Variants in MPPED2 observed in about 807,000 individuals in gnomAD.
MPPED2 encodes the protein metallophosphoesterase domain containing 2.
MPPED2 carries 5 observed loss-of-function variants against 33.0 expected under a neutral mutation model. The observed-to-expected ratio is 0.15, with a 90% CI of 0.08 to 0.32. The LOEUF (loss-of-function observed/expected upper bound fraction) is 0.32. MPPED2 is among the 10% of genes least tolerant of loss of function. The probability of loss-of-function intolerance (pLI) is 1.00; values close to 1 mark genes in which losing one functional copy is unlikely to be tolerated. For synonymous variants in MPPED2, 136 were observed against 141.9 expected, an observed-to-expected ratio of 0.96 and a Z score of 0.29; for missense variants, 275 against 372.1, an observed-to-expected ratio of 0.74 and a Z score of 2.15.
chr11:30,586,096 G>A lies in MPPED2; in HGVS notation c.-176C>T, dbSNP rs1957458381. On this transcript the variant is annotated 5_prime_UTR_variant, in exon 1 of 7. Coordinates refer to ENST00000358117, the MANE Select transcript of MPPED2 (RefSeq NM_001584.3). This position sits in a 1 kb window ranked among gnomAD's most constrained non-coding sequence, Gnocchi z 4.8. Reference sequence around the variant, plus strand: ...GATGCCTTCAGCGCCCGGCGAGCAGGCGATCCATAGCCGAGCGGCCCGAGC... The same window carrying A: ...GATGCCTTCAGCGCCCGGCGAGCAGACGATCCATAGCCGAGCGGCCCGAGC... 6.6e-6 allele frequency: 1 copy of A among 152,236 alleles called. No homozygotes were observed. The highest frequency in any genetic ancestry group is 1.5e-5 in the Non-Finnish European group (1 of 68,090). The allele number at this position is 152,236 out of a possible 1,614,324, so 9.4% of individuals were successfully genotyped here.
In MPPED2 at chr11:30,554,346, G is replaced by T. The variant is rs1436636902; in HGVS notation, c.129-18171C>A. ...GTAAATGGGCTTCTGCCTCTTTCCT[G>T]TTGTTAAGCTTTGCTATCCTACCAC... is the stretch of plus-strand genomic sequence containing the variant. On this transcript the variant is annotated intron_variant, in intron 2 of 6. Coordinates refer to ENST00000358117, the MANE Select transcript of MPPED2 (RefSeq NM_001584.3). 2.6e-5 allele frequency among the ~76,000 whole-genome samples: 4 copies of T among 152,294 alleles called. No homozygotes were observed. In the East Asian group the frequency reaches 7.7e-4, roughly 29 times the overall value.
At chr11:30,491,046 A>C (rs34344304) in intron 4 of MPPED2, among the ~76,000 whole-genome samples, 43,021 of 152,126 alleles carry the variant, frequency 0.28, 7,021 homozygotes, top group Middle Eastern at 0.44. Flanking sequence ...CAGGGAAATC[A>C]AACAATCAAT....
intron 6 of MPPED2, 103 bp downstream of exon 6, chr11:30,414,125 C>T (rs975150772): frequency 1.1e-5 from 8 of 743,674 alleles, no homozygotes; most frequent in Non-Finnish European, 1.7e-5. Flanking sequence ...AAGGGTCCCG[C>T]TGCTAAAAAG....
At chr11:30,549,141 G>A (rs1296485529) in intron 2 of MPPED2, among the ~76,000 whole-genome samples, 1 of 152,170 alleles carries the variant, frequency 6.6e-6, no homozygotes, top group Non-Finnish European at 1.5e-5. Context: ...CTCCCATTCA[G>A]TGTGTACGCA....
At chr11:30,551,603 G>A (rs1008976766) in intron 2 of MPPED2, among the ~76,000 whole-genome samples, 1 of 152,156 alleles carries the variant, frequency 6.6e-6, no homozygotes, top group South Asian at 2.1e-4. Context: ...TCTTTTGTCA[G>A]GTGTTTTTAC....
At chr11:30,541,232 C>A (rs1486550327) in intron 2 of MPPED2, among the ~76,000 whole-genome samples, 2 of 152,102 alleles carry the variant, frequency 1.3e-5, no homozygotes, top group Non-Finnish European at 2.9e-5. Context: ...ACAAATAAAC[C>A]ATTCTTGTTT....
rs780667531 is a variant in MPPED2, at chr11:30,495,394, T to C, written c.438A>G (p.Pro146=). 3.7e-6 allele frequency: 6 copies of C among 1,614,036 alleles called. No homozygotes were observed. The Admixed American group carries it at 5.0e-5, about 13-fold the overall frequency. Residue 146 remains proline (P), a synonymous_variant, in exon 4 of 7, where the codon CCA becomes CCG. Transcript: ENST00000358117. ...GGGACTGAACATTGTCAAAGTCCTC[T>C]GGTTTCAATTTGGACACAGAGGGGA... is the stretch of plus-strand genomic sequence containing the variant. ...YRFPSVSKLK[P]EDFDNVQSLL... is the part of the protein sequence containing the mutation.
Position 30,528,594 on chromosome 11 carries a change from T to A in MPPED2, c.310+7400A>T, listed in dbSNP as rs191553810. On this transcript the variant is annotated intron_variant, in intron 3 of 6. Coordinates refer to ENST00000358117, the MANE Select transcript of MPPED2 (RefSeq NM_001584.3). ...TGTTTTTACAATGAACATGTGAGCT[T>A]TCATAATTAGAAAATCGTTTACAGG... 1.2e-4 allele frequency among the ~76,000 whole-genome samples: 18 copies of A among 152,278 alleles called. No homozygotes were observed. In the East Asian group the frequency reaches 3.5e-3, roughly 29 times the overall value.
chr11:30,578,376 A>G (rs897897006), intron 2 of MPPED2, among the ~76,000 whole-genome samples: 1 of 152,182 alleles, frequency 6.6e-6, no homozygotes, highest in Non-Finnish European at 1.5e-5. Context: ...CTATTCCAAG[A>G]TCAGGAGTCT....
At chr11:30,558,520 A>G (rs1444859229) in intron 2 of MPPED2, among the ~76,000 whole-genome samples, 2 of 150,726 alleles carry the variant, frequency 1.3e-5, no homozygotes, top group Non-Finnish European at 2.9e-5. Flanking sequence ...GACTCAAGCA[A>G]TCCTCCCACC....
At chr11:30,433,133 C>G in intron 4 of MPPED2, among the ~76,000 whole-genome samples, 1 of 152,158 alleles carries the variant, frequency 6.6e-6, no homozygotes, top group East Asian at 1.9e-4. Flanking sequence ...GTTTCTCATA[C>G]TATGACCAAT....
intron 2 of MPPED2, among the ~76,000 whole-genome samples, chr11:30,556,806 C>T (rs1232917957): frequency 3.3e-5 from 5 of 152,114 alleles, no homozygotes; most frequent in African/African-American, 1.2e-4. Context: ...CTATTATTAT[C>T]ATTTCTGTAG....
downstream of MPPED2, among the ~76,000 whole-genome samples, chr11:30,384,086 C>A (rs554076565): frequency 9.9e-5 from 15 of 152,066 alleles, no homozygotes; most frequent in Non-Finnish European, 2.1e-4. Context: ...CAATTGATAG[C>A]ATCAATTTTA....
intron 4 of MPPED2, among the ~76,000 whole-genome samples, chr11:30,474,883 C>G (rs1951110913): frequency 6.6e-6 from 1 of 151,998 alleles, no homozygotes; most frequent in African/African-American, 2.4e-5. Flanking sequence ...AACTAATATG[C>G]CCCTCTTGCT....
chr11:30,472,636 T>A (rs1237375202), intron 4 of MPPED2, among the ~76,000 whole-genome samples: 1 of 152,222 alleles, frequency 6.6e-6, no homozygotes, highest in East Asian at 1.9e-4. Flanking sequence ...TTTGAAAGCA[T>A]CATGCTAAGT....
rs189637210 is a variant in MPPED2 at position 30,453,020 on chromosome 11, C to A, written c.537-35387G>T. 1.2e-4 allele frequency among the ~76,000 whole-genome samples: 18 copies of A among 152,226 alleles called. No individual in the cohort carries two copies. The East Asian group carries it at 3.5e-3, about 29-fold the overall frequency. On this transcript the variant is annotated intron_variant, in intron 4 of 6. Coordinates refer to ENST00000358117, the MANE Select transcript of MPPED2 (RefSeq NM_001584.3). ...TGATGAAGTTAGCAGGCATTTGCTG[C>A]AAGGATGCAAAATGAGTTATGTGCA...
Position 30,436,050 on chromosome 11 carries a change from C to CTTTT in MPPED2, c.537-18421_537-18418dup, listed in dbSNP as rs71060449. 9.3e-4 allele frequency among the ~76,000 whole-genome samples: 101 copies of CTTTT among 108,404 alleles called. 2 individuals are homozygous for CTTTT. Among genetic ancestry groups the CTTTT allele is most frequent in the African/African-American group, 1.8e-3 (53 of 28,872 alleles). 71.1% of individuals were successfully genotyped at this position (108,404 alleles called of 152,430 possible). On this transcript the variant is annotated intron_variant, in intron 4 of 6. Transcript: ENST00000358117. ...GGCTATTAGTGTTAAAGTTTAGCATCTTTTTTTTTTTTTTTTTTTTTTTTA... is the reference window on the plus strand; with the variant it reads ...GGCTATTAGTGTTAAAGTTTAGCATCTTTTTTTTTTTTTTTTTTTTTTTTTTTTA...
intron 4 of MPPED2, among the ~76,000 whole-genome samples, chr11:30,492,110 G>A (rs1276390328): frequency 1.3e-5 from 2 of 152,142 alleles, no homozygotes; most frequent in Non-Finnish European, 2.9e-5. Context: ...CATTTTAAAT[G>A]ATATCAATCC....
Position 30,572,054 on chromosome 11 carries a change from G to A in MPPED2, c.128+8192C>T, listed in dbSNP as rs113410319. 5.9e-5 allele frequency among the ~76,000 whole-genome samples: 9 copies of A among 152,248 alleles called. 1 individual carries two copies. Among genetic ancestry groups the A allele is most frequent in the South Asian group, 2.1e-4 (1 of 4,814 alleles). On this transcript the variant is annotated intron_variant, in intron 2 of 6. Transcript: ENST00000358117. The stretch of plus-strand genomic sequence containing the variant: ...TTGCAGGATATGTCTATGAGTTGAC[G>A]ATGACTATGCTTTCTCTATGAGTCG...
Sources: gnomAD v4.1 joint callset for allele counts (sites outside exome capture counted in the v4.1 genomes callset) on GRCh38, gnomAD v4.1.1 for gene constraint, Gnocchi (gnomAD v3.1) non-coding constraint, MANE v1.5 for transcripts, NCBI Gene and HGNC (gene_info 2026-07-23, HGNC 2026-07-21) for gene names.